ATP8A2: variants seen among roughly 807,000 people sequenced by gnomAD.
The protein encoded by ATP8A2 is phospholipid-transporting ATPase IB.
ATP8A2 carries 100 observed loss-of-function variants against 165.6 expected under a neutral mutation model. That is an observed-to-expected ratio of 0.60 (90% CI 0.51 to 0.71). The LOEUF (loss-of-function observed/expected upper bound fraction) is 0.71, where lower values mean the gene tolerates loss of function less well. ATP8A2 is among the 30% of genes least tolerant of loss of function. The pLI, the probability that ATP8A2 is intolerant of heterozygous loss-of-function variation, is 0.00. For missense variants in ATP8A2, 1,227 were observed against 1,479.5 expected (o/e 0.83, Z 2.80); for synonymous variants, 543 against 548.8 (o/e 0.99, Z 0.15).
chr13:25,666,556 A>G (rs2042159778), intron 24 of ATP8A2, among the ~76,000 whole-genome samples: 1 of 152,174 alleles, frequency 6.6e-6, no homozygotes, highest in African/African-American at 2.4e-5. Flanking sequence ...TTAGTTTTTA[A>G]ATGAATGATT....
chr13:25,572,913 A>T (rs376664175), intron 18 of ATP8A2, among the ~76,000 whole-genome samples: 4 of 152,134 alleles, frequency 2.6e-5, no homozygotes, highest in African/African-American at 9.7e-5. Context: ...TATATGCAAA[A>T]CCTATAAAAT....
chr13:25,952,175 G>A (rs775217252), intron 33 of ATP8A2, among the ~76,000 whole-genome samples: 1 of 152,144 alleles, frequency 6.6e-6, no homozygotes, highest in Non-Finnish European at 1.5e-5. Flanking sequence ...GTCCCAATAC[G>A]TTGAACTGAG....
At chr13:26,017,537 G>T (rs1243731563) in intron 36 of ATP8A2, among the ~76,000 whole-genome samples, 1 of 152,240 alleles carries the variant, frequency 6.6e-6, no homozygotes, top group African/African-American at 2.4e-5. Flanking sequence ...GGAGGCAGGA[G>T]GCTGGGGCAG....
chr13:25,796,867 T>C (rs1454893648), intron 27 of ATP8A2, among the ~76,000 whole-genome samples: 1 of 152,254 alleles, frequency 6.6e-6, no homozygotes, highest in Non-Finnish European at 1.5e-5. Flanking sequence ...TTTTTAAATC[T>C]GTGTTTGGCT....
chr13:25,452,717 G>A (rs371550378), intron 1 of ATP8A2, among the ~76,000 whole-genome samples: 63 of 152,250 alleles, frequency 4.1e-4, no homozygotes, highest in African/African-American at 1.4e-3. Flanking sequence ...AGTAGGTAAG[G>A]TTGAGGCTTG....
chr13:25,682,494 C>T (rs1254257832), intron 24 of ATP8A2, among the ~76,000 whole-genome samples: 1 of 152,168 alleles, frequency 6.6e-6, no homozygotes, highest in Non-Finnish European at 1.5e-5. Context: ...TCTTAAAGCT[C>T]ATACGAGAGT....
rs562093937 is a variant in ATP8A2, at chr13:25,666,387, G to T, written c.2212-32786G>T. Reference sequence around the variant, plus strand: ...ACAATGCCCGGCTAATTTTTTGTGTGTGTGTGTGTATGTATGTGTATATAT... The same window carrying T: ...ACAATGCCCGGCTAATTTTTTGTGTTTGTGTGTGTATGTATGTGTATATAT... On this transcript the variant is annotated intron_variant, in intron 24 of 36. Coordinates refer to ENST00000381655, the MANE Select transcript of ATP8A2 (RefSeq NM_016529.6). Among the ~76,000 whole-genome samples the T allele has an allele frequency of 9.8e-3, 1,481 of 150,398 alleles. 29 individuals are homozygous for T. Among genetic ancestry groups the T allele is most frequent in the African/African-American group, 0.034 (1,394 of 40,418 alleles).
chr13:25,864,286 C>T (rs1952441789), intron 33 of ATP8A2, among the ~76,000 whole-genome samples: 1 of 152,146 alleles, frequency 6.6e-6, no homozygotes, highest in South Asian at 2.1e-4. Flanking sequence ...AGACAAAGCC[C>T]ATTCCTTTGA....
At chr13:25,634,893 CA>C (rs1195307051) in intron 24 of ATP8A2, among the ~76,000 whole-genome samples, 3 of 152,064 alleles carry the variant, frequency 2.0e-5, no homozygotes, top group Non-Finnish European at 4.4e-5. Flanking sequence ...TAGTGTTTAG[CA>C]ATTGTTTAGA....
chr13:25,900,658 C>A (rs950381777), intron 33 of ATP8A2, among the ~76,000 whole-genome samples: 1 of 152,140 alleles, frequency 6.6e-6, no homozygotes, highest in Non-Finnish European at 1.5e-5. Flanking sequence ...TCAAAAACTC[C>A]GTTTTTAAGG....
intron 1 of ATP8A2, among the ~76,000 whole-genome samples, chr13:25,431,505 G>C (rs969520167): frequency 2.6e-5 from 4 of 151,984 alleles, no homozygotes; most frequent in Non-Finnish European, 4.4e-5. Context: ...TCGGCGGCGG[G>C]GGGGGAATCT....
At chr13:25,836,253 A>G (rs112306548) in intron 28 of ATP8A2, among the ~76,000 whole-genome samples, 10 of 152,092 alleles carry the variant, frequency 6.6e-5, no homozygotes. Flanking sequence ...CACAGCTCTT[A>G]GCACAAGTAA....
At chr13:25,666,644 G>A (rs148952217) in intron 24 of ATP8A2, among the ~76,000 whole-genome samples, 66 of 152,174 alleles carry the variant, frequency 4.3e-4, no homozygotes, top group African/African-American at 1.0e-3. Context: ...GCTAAATGTG[G>A]GTATTTTTGG....
At chr13:25,410,032 C>G (rs2033920868) in intron 1 of ATP8A2, among the ~76,000 whole-genome samples, 1 of 150,868 alleles carries the variant, frequency 6.6e-6, no homozygotes, top group African/African-American at 2.4e-5. Flanking sequence ...AATCATTCTC[C>G]TAATGGGTTC....
At chr13:25,653,543 A>G (rs117030421) in intron 24 of ATP8A2, among the ~76,000 whole-genome samples, 1,867 of 151,892 alleles carry the variant, frequency 0.012, 15 homozygotes, top group Middle Eastern at 0.027. Context: ...TGTATAAGAA[A>G]CCCCCATGAC....
intron 24 of ATP8A2, among the ~76,000 whole-genome samples, chr13:25,632,007 G>T (rs1324498113): frequency 1.3e-5 from 2 of 151,996 alleles, no homozygotes; most frequent in African/African-American, 2.4e-5. Context: ...GAATCCAATC[G>T]CAAGCCCCAC....
chr13:25,980,645 T>G lies in ATP8A2; in HGVS notation c.3377+11966T>G, dbSNP rs1956156156. Among the ~76,000 whole-genome samples the G allele has an allele frequency of 2.0e-5, 3 of 152,134 alleles. No homozygotes were observed. In the South Asian group the frequency reaches 6.2e-4, roughly 32 times the overall value. On this transcript the variant is annotated intron_variant, in intron 35 of 36. Coordinates refer to ENST00000381655, the MANE Select transcript of ATP8A2 (RefSeq NM_016529.6). ...AAGCAAGGGACATACATGACACAAA[T>G]TTTTAGAATGTGTGATTACCATACT...
chr13:25,421,179 G>A (rs2034288376), intron 1 of ATP8A2, among the ~76,000 whole-genome samples: 1 of 152,224 alleles, frequency 6.6e-6, no homozygotes, highest in South Asian at 2.1e-4. Flanking sequence ...TATTCCCATA[G>A]TGGTCCTAGC....
At chr13:25,631,879 T>C (rs745398219) in intron 24 of ATP8A2, among the ~76,000 whole-genome samples, 1 of 148,358 alleles carries the variant, frequency 6.7e-6, no homozygotes, top group African/African-American at 2.5e-5. Context: ...TTTCCCAACA[T>C]AGCAAACCAA....
Sources: allele counts gnomAD v4.1 joint callset (sites outside exome capture counted in the v4.1 genomes callset), GRCh38; gene constraint gnomAD v4.1.1; transcripts MANE v1.5; gene names NCBI Gene and HGNC (gene_info 2026-07-23, HGNC 2026-07-21).